RNLS: variants seen among roughly 807,000 people sequenced by gnomAD.
The protein encoded by RNLS is renalase.
A neutral mutation model predicts 39.8 loss-of-function variants in RNLS; 39 were observed. That is an observed-to-expected ratio of 0.98 (90% CI 0.76 to 1.28). The LOEUF (loss-of-function observed/expected upper bound fraction) is 1.28. Among genes scored for constraint, RNLS ranks in the 50% most tolerant of loss-of-function variants. RNLS has a pLI of 0.00. For synonymous variants in RNLS, 147 were observed against 150.7 expected, an observed-to-expected ratio of 0.98 and a Z score of 0.18; for missense variants, 410 against 413.3, an observed-to-expected ratio of 0.99 and a Z score of 0.07.
intron 4 of RNLS, among the ~76,000 whole-genome samples, chr10:88,567,057 T>C (rs928771847): frequency 5.3e-5 from 8 of 152,082 alleles, no homozygotes; most frequent in Non-Finnish European, 1.0e-4. Flanking sequence ...TAAAAGTTTA[T>C]TTGAAAGCAA....
At chr10:88,320,949 AC>A (rs1463839777) in intron 5 of RNLS, among the ~76,000 whole-genome samples, 2 of 150,798 alleles carry the variant, frequency 1.3e-5, no homozygotes, top group Non-Finnish European at 2.9e-5. Flanking sequence ...GACCAAATGG[AC>A]CCAGTAAACA....
chr10:88,368,069 C>T (rs1011202013), intron 4 of RNLS, among the ~76,000 whole-genome samples: 1 of 151,428 alleles, frequency 6.6e-6, no homozygotes, highest in Non-Finnish European at 1.5e-5. Context: ...TTGCCAATAG[C>T]CTACTTCAAG....
chr10:88,552,524 T>C (rs1378834467), intron 4 of RNLS, among the ~76,000 whole-genome samples: 1 of 152,174 alleles, frequency 6.6e-6, no homozygotes, highest in Non-Finnish European at 1.5e-5. Context: ...TAACAGCAAA[T>C]GTAAAAGGTA....
At chr10:88,382,799 T>C (rs1851631773) in intron 4 of RNLS, among the ~76,000 whole-genome samples, 2 of 149,418 alleles carry the variant, frequency 1.3e-5, no homozygotes, top group South Asian at 4.2e-4. Flanking sequence ...GAGTCTACAG[T>C]GATTAAAGAA....
At chr10:88,461,676 A>G (rs1842939048) in intron 4 of RNLS, among the ~76,000 whole-genome samples, 1 of 152,096 alleles carries the variant, frequency 6.6e-6, no homozygotes, top group Non-Finnish European at 1.5e-5. Context: ...CCCTTCAATC[A>G]AGATCTTTGT....
chr10:88,186,636 G>A, the RNLS span, among the ~76,000 whole-genome samples: 1 of 152,184 alleles, frequency 6.6e-6, no homozygotes, highest in Admixed American at 6.5e-5. Flanking sequence ...GCATATTTAA[G>A]TGATATATCA....
intron 4 of RNLS, among the ~76,000 whole-genome samples, chr10:88,383,472 T>C (rs1378712115): frequency 6.6e-6 from 1 of 152,178 alleles, no homozygotes; most frequent in Non-Finnish European, 1.5e-5. Context: ...AACTGCTTTC[T>C]ACATTTCCTG....
At chr10:88,555,509 T>C (rs1848819043) in intron 4 of RNLS, among the ~76,000 whole-genome samples, 1 of 152,080 alleles carries the variant, frequency 6.6e-6, no homozygotes, top group South Asian at 2.1e-4. Context: ...TCTCTCCTCA[T>C]GTGATGCTCC....
intron 4 of RNLS, among the ~76,000 whole-genome samples, chr10:88,530,547 C>T (rs1038903374): frequency 1.3e-5 from 2 of 152,096 alleles, no homozygotes; most frequent in African/African-American, 4.8e-5. Flanking sequence ...ATATGCACCT[C>T]TTTGTTGTTG....
chr10:88,514,199 G>A (rs559301344), intron 4 of RNLS, among the ~76,000 whole-genome samples: 1 of 151,814 alleles, frequency 6.6e-6, no homozygotes, highest in Admixed American at 6.6e-5. Flanking sequence ...AATCATGGCA[G>A]AAGGAGAAGC....
intron 5 of RNLS, 137 bp downstream of exon 5, chr10:88,362,415 A>T: frequency 1.4e-6 from 1 of 712,902 alleles, no homozygotes; most frequent in South Asian, 3.2e-5. Flanking sequence ...GCCAAATGTG[A>T]CATTAAATTT....
At chr10:88,379,830 C>A (rs891271062) in intron 4 of RNLS, among the ~76,000 whole-genome samples, 1 of 152,154 alleles carries the variant, frequency 6.6e-6, no homozygotes, top group Non-Finnish European at 1.5e-5. Context: ...AGGACATTTA[C>A]AGAGGCTTCA....
intron 4 of RNLS, among the ~76,000 whole-genome samples, chr10:88,527,946 A>G (rs544757177): frequency 3.0e-4 from 45 of 152,122 alleles, no homozygotes; most frequent in Admixed American, 9.8e-4. Flanking sequence ...ATAAAAAAAA[A>G]TCATAAAAGA....
chr10:88,261,157 C>T, the RNLS span, among the ~76,000 whole-genome samples: 6 of 152,184 alleles, frequency 3.9e-5, no homozygotes, highest in Admixed American at 3.3e-4. Flanking sequence ...GGTTTCATTC[C>T]TCTTTCTGTA....
At chr10:88,178,155 G>T in the RNLS span, among the ~76,000 whole-genome samples, 2 of 152,168 alleles carry the variant, frequency 1.3e-5, no homozygotes, top group African/African-American at 4.8e-5. Context: ...GAACTTGGGT[G>T]CTGGGTTCTC....
chr10:88,203,454 G>A, the RNLS span, among the ~76,000 whole-genome samples: 8 of 824 alleles, frequency 9.7e-3, no homozygotes, highest in South Asian at 0.062. Flanking sequence ...GTGTGTGTGT[G>A]TGTATATATA....
intron 4 of RNLS, among the ~76,000 whole-genome samples, chr10:88,440,655 G>A (rs570738925): frequency 6.6e-6 from 1 of 152,240 alleles, no homozygotes; most frequent in Admixed American, 6.5e-5. Flanking sequence ...ATATCTTCTG[G>A]TAGCAATGAG....
At chr10:88,179,303 AG>A in the RNLS span, among the ~76,000 whole-genome samples, 1 of 152,234 alleles carries the variant, frequency 6.6e-6, no homozygotes, top group Admixed American at 6.5e-5. Flanking sequence ...TATTTCAGTG[AG>A]GAAGCATGTG....
intron 4 of RNLS, among the ~76,000 whole-genome samples, chr10:88,479,807 T>C (rs1210782276): frequency 6.6e-6 from 1 of 151,084 alleles, no homozygotes; most frequent in Non-Finnish European, 1.5e-5. Flanking sequence ...TTTTTTTTTT[T>C]TAAGTTCCTA....
Sources: gnomAD v4.1 joint callset for allele counts (sites outside exome capture counted in the v4.1 genomes callset) on GRCh38, gnomAD v4.1.1 for gene constraint, MANE v1.5 for transcripts, NCBI Gene and HGNC (gene_info 2026-07-23, HGNC 2026-07-21) for gene names.